Variants in CFAP299 observed in about 807,000 individuals in gnomAD.
The protein encoded by CFAP299 is cilia- and flagella-associated protein 299.
A neutral mutation model predicts 27.0 loss-of-function variants in CFAP299; 21 were observed. The observed-to-expected ratio is 0.78, with a 90% CI of 0.55 to 1.12. The LOEUF (loss-of-function observed/expected upper bound fraction) is 1.12, where lower values mean the gene tolerates loss of function less well. CFAP299 is among the 50% of genes most tolerant of loss of function. The probability of loss-of-function intolerance (pLI) is 0.00; values close to 1 mark genes in which losing one functional copy is unlikely to be tolerated. For synonymous variants in CFAP299, 104 were observed against 98.1 expected, an observed-to-expected ratio of 1.06 and a Z score of -0.36; for missense variants, 310 against 276.6, an observed-to-expected ratio of 1.12 and a Z score of -0.86.
At chr4:80,399,439 C>T (rs1158279825) in intron 2 of CFAP299, among the ~76,000 whole-genome samples, 1 of 152,050 alleles carries the variant, frequency 6.6e-6, no homozygotes, top group Non-Finnish European at 1.5e-5. Context: ...TTGGAACCAA[C>T]CCAAATGTCC....
At chr4:80,904,548 CT>C (rs1241556636) in intron 4 of CFAP299, among the ~76,000 whole-genome samples, 1 of 151,692 alleles carries the variant, frequency 6.6e-6, no homozygotes, top group Admixed American at 6.6e-5. Context: ...AGGACATTTC[CT>C]TGGGACTTGA....
chr4:80,894,797 T>A (rs1237907085), intron 4 of CFAP299, among the ~76,000 whole-genome samples: 2 of 151,958 alleles, frequency 1.3e-5, no homozygotes, highest in African/African-American at 2.4e-5. Flanking sequence ...AGTGTGTGTG[T>A]GAGAGAGAGA....
chr4:80,718,262 G>A (rs1432485448), intron 3 of CFAP299, among the ~76,000 whole-genome samples: 3 of 152,080 alleles, frequency 2.0e-5, no homozygotes, highest in Non-Finnish European at 4.4e-5. Context: ...GGAAGGAAAA[G>A]CATGGGAGAG....
At chr4:80,698,657 T>C (rs1169063304) in intron 3 of CFAP299, among the ~76,000 whole-genome samples, 1 of 152,182 alleles carries the variant, frequency 6.6e-6, no homozygotes, top group East Asian at 1.9e-4. Context: ...CTGGGTAATT[T>C]ATAAAGGAAA....
chr4:80,589,210 T>C (rs1736598291), intron 3 of CFAP299, among the ~76,000 whole-genome samples: 1 of 152,130 alleles, frequency 6.6e-6, no homozygotes, highest in Non-Finnish European at 1.5e-5. Context: ...TATTTCTGGG[T>C]GACAAAACAA....
intron 2 of CFAP299, among the ~76,000 whole-genome samples, chr4:80,433,655 T>C (rs1338792782): frequency 6.6e-6 from 1 of 152,124 alleles, no homozygotes; most frequent in Non-Finnish European, 1.5e-5. Flanking sequence ...ATCTTAAGTA[T>C]GGAGTATTTG....
At chr4:80,586,191 T>G (rs1736428436) in intron 3 of CFAP299, among the ~76,000 whole-genome samples, 1 of 152,038 alleles carries the variant, frequency 6.6e-6, no homozygotes. Flanking sequence ...ATCTTAATAT[T>G]TATTATTGAA....
At chr4:80,818,900 A>G (rs1292849497) in intron 3 of CFAP299, among the ~76,000 whole-genome samples, 1 of 152,140 alleles carries the variant, frequency 6.6e-6, no homozygotes, top group African/African-American at 2.4e-5. Flanking sequence ...TTGAAGGGAG[A>G]TAAGCTGAGA....
chr4:80,800,773 A>G (rs559089355), intron 3 of CFAP299, among the ~76,000 whole-genome samples: 1 of 135,044 alleles, frequency 7.4e-6, no homozygotes, highest in Non-Finnish European at 1.5e-5. Context: ...GTGTGTATAT[A>G]TATATATGTA....
intron 2 of CFAP299, among the ~76,000 whole-genome samples, chr4:80,579,648 G>T (rs1408241628): frequency 6.6e-6 from 1 of 152,020 alleles, no homozygotes; most frequent in African/African-American, 2.4e-5. Flanking sequence ...ATAGATCAGG[G>T]ATAATTTTGA....
At chr4:80,356,740 G>C (rs987211512) in intron 1 of CFAP299, among the ~76,000 whole-genome samples, 2 of 152,062 alleles carry the variant, frequency 1.3e-5, no homozygotes, top group African/African-American at 4.8e-5. Context: ...TTTGGGCTCA[G>C]TTGATAGGAT....
At chr4:80,342,414 G>A (rs769737241) in intron 1 of CFAP299, among the ~76,000 whole-genome samples, 10 of 152,068 alleles carry the variant, frequency 6.6e-5, no homozygotes, top group South Asian at 2.1e-4. Context: ...AAAGGCAGCC[G>A]CAGAGAAAGG....
intron 2 of CFAP299, among the ~76,000 whole-genome samples, chr4:80,533,962 T>C (rs1375402311): frequency 1.3e-5 from 2 of 152,084 alleles, no homozygotes; most frequent in South Asian, 2.1e-4. Flanking sequence ...AGTGGGAATA[T>C]ACATAAGCAT....
At chr4:80,940,168 C>T (rs1737120490) in intron 4 of CFAP299, among the ~76,000 whole-genome samples, 1 of 152,062 alleles carries the variant, frequency 6.6e-6, no homozygotes, top group Non-Finnish European at 1.5e-5. Flanking sequence ...TTGGTGGAGT[C>T]CATAAGCCAC....
intron 1 of CFAP299, among the ~76,000 whole-genome samples, chr4:80,361,441 G>T (rs1037453234): frequency 1.3e-5 from 2 of 152,138 alleles, no homozygotes; most frequent in Admixed American, 1.3e-4. Context: ...TTACTCAAAT[G>T]ATCTCACTTT....
At chr4:80,864,434 A>G (rs1273462927) in intron 3 of CFAP299, among the ~76,000 whole-genome samples, 6 of 146,044 alleles carry the variant, frequency 4.1e-5, no homozygotes, top group African/African-American at 7.5e-5. Flanking sequence ...ATATAGGTAT[A>G]TATATATATA....
intron 1 of CFAP299, among the ~76,000 whole-genome samples, chr4:80,361,182 T>C (rs549194525): frequency 2.0e-5 from 3 of 152,360 alleles, no homozygotes; most frequent in African/African-American, 7.2e-5. Context: ...TGCCATTTCT[T>C]GCAAAATAGT....
At chr4:80,810,351 GACACACACAC>G in intron 3 of CFAP299, among the ~76,000 whole-genome samples, 1 of 147,780 alleles carries the variant, frequency 6.8e-6, no homozygotes, top group Middle Eastern at 3.5e-3. Context: ...CCCAACCCCT[GACACACACAC>G]ACACACACAC....
intron 2 of CFAP299, among the ~76,000 whole-genome samples, chr4:80,520,004 A>G (rs558940083): frequency 6.6e-6 from 1 of 152,300 alleles, no homozygotes; most frequent in East Asian, 1.9e-4. Flanking sequence ...AGAGAGCTAT[A>G]CAAGAGAGGC....
Sources: allele counts gnomAD v4.1 joint callset (sites outside exome capture counted in the v4.1 genomes callset), GRCh38; gene constraint gnomAD v4.1.1; transcripts MANE v1.5; gene names NCBI Gene and HGNC (gene_info 2026-07-23, HGNC 2026-07-21).